Variants in FMN2 observed in about 807,000 individuals in gnomAD.
FMN2 encodes formin 2, also known as formin-2.
Under a neutral mutation model 142.3 loss-of-function variants are expected in FMN2, and 51 were observed. That is an observed-to-expected ratio of 0.36 (90% CI 0.29 to 0.45). The LOEUF is 0.45. Among genes scored for constraint, FMN2 ranks in the 20% least tolerant of loss-of-function variants. The pLI is 1.00. For missense variants in FMN2, 1,936 were observed against 2,122.8 expected (o/e 0.91, Z 1.73); for synonymous variants, 882 against 869.8 (o/e 1.01, Z -0.25).
At chr1:240,155,718 A>C (rs550909381) in intron 2 of FMN2, among the ~76,000 whole-genome samples, 49 of 152,288 alleles carry the variant, frequency 3.2e-4, no homozygotes, top group African/African-American at 1.2e-3. Flanking sequence ...GTCAAAGATC[A>C]AGGTTTCTAG....
In FMN2 at chr1:240,474,299, C is replaced by T. The variant is rs770729265; in HGVS notation, c.*145C>T. 3 of 711,400 alleles carry T rather than the reference C, an allele frequency of 4.2e-6. No homozygotes were observed. Among genetic ancestry groups the T allele is most frequent in the Non-Finnish European group, 6.6e-6 (3 of 457,714 alleles). The allele number at this position is 711,400 out of a possible 1,614,324, so 44.1% of individuals were successfully genotyped here. A position where few individuals can be genotyped will look rare whatever the true frequency, so the allele number is the denominator to read the frequency against. Reference sequence around the variant, plus strand: ...ATCTTTTTGTTTTCTAGACAGTTCACTAATTGTTGAATTTTACTGTATATT... The same window carrying T: ...ATCTTTTTGTTTTCTAGACAGTTCATTAATTGTTGAATTTTACTGTATATT... On this transcript the variant is annotated 3_prime_UTR_variant, in exon 18 of 18. Coordinates refer to ENST00000319653, the MANE Select transcript of FMN2 (RefSeq NM_020066.5).
At chr1:240,115,349 A>T (rs1266805293) in intron 1 of FMN2, among the ~76,000 whole-genome samples, 1 of 152,212 alleles carries the variant, frequency 6.6e-6, no homozygotes, top group Non-Finnish European at 1.5e-5. Context: ...TGTGATAAAT[A>T]CTTGACATGC....
At chr1:240,419,427 T>C (rs923134162) in intron 15 of FMN2, among the ~76,000 whole-genome samples, 85 of 151,654 alleles carry the variant, frequency 5.6e-4, no homozygotes, top group African/African-American at 2.0e-3. Flanking sequence ...AAAAAAAAAG[T>C]GTGAGGGTTA....
chr1:240,322,122 T>C (rs919372272), intron 8 of FMN2, among the ~76,000 whole-genome samples: 2 of 152,138 alleles, frequency 1.3e-5, no homozygotes, highest in African/African-American at 4.8e-5. Context: ...AAAGCTAATA[T>C]AAAAATTTTG....
rs116328440 is a variant in FMN2, at chr1:240,190,120, C to T, written c.1986+1858C>T. Reference sequence around the variant, plus strand: ...GTAACATTATAGTGTTTTTCCTGAGCGATGGACCATGGTAAAATATATTGC... The same window carrying T: ...GTAACATTATAGTGTTTTTCCTGAGTGATGGACCATGGTAAAATATATTGC... On this transcript the variant is annotated intron_variant, in intron 4 of 17. Transcript: ENST00000319653. Among the ~76,000 whole-genome samples, 633 of 152,172 alleles carry T rather than the reference C, an allele frequency of 4.2e-3. 2 individuals are homozygous for T. The highest frequency in any genetic ancestry group is 0.015 in the African/African-American group (610 of 41,512).
intron 8 of FMN2, among the ~76,000 whole-genome samples, chr1:240,300,569 A>G (rs376601067): frequency 3.3e-5 from 5 of 152,098 alleles, no homozygotes; most frequent in African/African-American, 1.2e-4. Flanking sequence ...TCTTTCTCCT[A>G]TCTCTCCTTT....
chr1:240,404,399 G>T (rs1674083181), intron 15 of FMN2, among the ~76,000 whole-genome samples: 1 of 152,242 alleles, frequency 6.6e-6, no homozygotes, highest in African/African-American at 2.4e-5. Context: ...TCTGGCTTAG[G>T]CTGGCCGACC....
At chr1:240,143,328 G>A in intron 2 of FMN2, 1 of 1,499,938 alleles carries the variant, frequency 6.7e-7, no homozygotes, top group Non-Finnish European at 9.3e-7. Flanking sequence ...CAGCCCTCCG[G>A]AGTGCAGGCT....
chr1:240,313,523 C>T (rs1670663745), intron 8 of FMN2, among the ~76,000 whole-genome samples: 1 of 152,030 alleles, frequency 6.6e-6, no homozygotes, highest in Non-Finnish European at 1.5e-5. Context: ...ATGGTTTTAT[C>T]ACCATTAATG....
At chr1:240,443,254 TGATAC>T (rs2103191025) in intron 16 of FMN2, among the ~76,000 whole-genome samples, 1 of 152,318 alleles carries the variant, frequency 6.6e-6, no homozygotes, top group African/African-American at 2.4e-5. Flanking sequence ...CTACACTAGG[TGATAC>T]AATAGACACA....
At chr1:240,099,545 A>AC (rs1661342006) in intron 1 of FMN2, among the ~76,000 whole-genome samples, 1 of 151,854 alleles carries the variant, frequency 6.6e-6, no homozygotes. Context: ...CTGGCTGCAA[A>AC]CCCCTGACTT....
At chr1:240,349,682 C>T (rs12137050) in intron 13 of FMN2, among the ~76,000 whole-genome samples, 1 of 152,042 alleles carries the variant, frequency 6.6e-6, no homozygotes, top group Non-Finnish European at 1.5e-5. Context: ...TTTCCTCTGG[C>T]TGGGTTATTC....
intron 7 of FMN2, among the ~76,000 whole-genome samples, chr1:240,261,782 T>G (rs1396468969): frequency 6.6e-6 from 1 of 152,146 alleles, no homozygotes; most frequent in Non-Finnish European, 1.5e-5. Flanking sequence ...CCTGTGTGTG[T>G]GTTAGTATAT....
chr1:240,220,216 A>G (rs1308137406), intron 6 of FMN2, among the ~76,000 whole-genome samples: 1 of 152,154 alleles, frequency 6.6e-6, no homozygotes, highest in Non-Finnish European at 1.5e-5. Flanking sequence ...AGAAACAGTC[A>G]TTCAAGAAAA....
chr1:240,468,602 T>G (rs1676710907), intron 16 of FMN2, among the ~76,000 whole-genome samples: 1 of 152,252 alleles, frequency 6.6e-6, no homozygotes, highest in South Asian at 2.1e-4. Context: ...TTTAATTTAT[T>G]GTTTGAAATG....
intron 7 of FMN2, among the ~76,000 whole-genome samples, chr1:240,272,067 T>G (rs1341888882): frequency 6.6e-6 from 1 of 152,182 alleles, no homozygotes; most frequent in Non-Finnish European, 1.5e-5. Flanking sequence ...TTGTACTTAC[T>G]GTCTGAATTG....
Position 240,092,812 on chromosome 1 carries a change from C to G in FMN2, c.703C>G (p.Pro235Ala). ...CCAGGGCGCCGAGGAGCCTGCAGCG[C>G]CCCCCACTGCCGTCTCCCCTCAGCC... ...QLQGAEEPAA[P>A]PTAVSPQPGA... The change falls in exon 1 of 18, where the codon CCC becomes GCC. Residue 235 changes from proline (P) to alanine (A), a missense_variant. Around this residue, in one of 8 missense-constraint regions of FMN2, gnomAD observed 751 missense variants for 791.8 expected, o/e 0.95. Coordinates refer to ENST00000319653, the MANE Select transcript of FMN2 (RefSeq NM_020066.5). 2 of 1,577,776 alleles carry G rather than the reference C, an allele frequency of 1.3e-6. No homozygotes were observed. Among genetic ancestry groups the G allele is most frequent in the Admixed American group, 3.7e-5 (2 of 54,000 alleles).
intron 2 of FMN2, among the ~76,000 whole-genome samples, chr1:240,153,149 C>T (rs370431359): frequency 4.4e-4 from 67 of 152,182 alleles, no homozygotes; most frequent in African/African-American, 1.5e-3. Context: ...ATTTGTCCTC[C>T]GTGGGCTTGG....
chr1:240,408,885 A>G (rs547081725), intron 15 of FMN2, among the ~76,000 whole-genome samples: 1 of 152,270 alleles, frequency 6.6e-6, no homozygotes, highest in African/African-American at 2.4e-5. Flanking sequence ...ATAGGTTGAC[A>G]AGCGTATTTT....
Sources: gnomAD v4.1 joint callset for allele counts (sites outside exome capture counted in the v4.1 genomes callset) on GRCh38, gnomAD v4.1.1 for gene constraint, gnomAD v4.1.1 regional missense constraint, MANE v1.5 for transcripts, NCBI Gene and HGNC (gene_info 2026-07-23, HGNC 2026-07-21) for gene names.